Variants in SACS observed in about 807,000 individuals in gnomAD.
SACS encodes the protein sacsin.
A neutral mutation model predicts 348.0 loss-of-function variants in SACS; 197 were observed. That is an observed-to-expected ratio of 0.57 (90% CI 0.50 to 0.64). The LOEUF (loss-of-function observed/expected upper bound fraction) is 0.64, where lower values mean the gene tolerates loss of function less well. Ranked by LOEUF, SACS falls within the 30% of genes least tolerant of loss-of-function variation. SACS has a pLI of 0.00. For synonymous variants in SACS, 1,985 were observed against 1,910.6 expected (o/e 1.04, Z -1.02); for missense variants, 4,999 against 5,360.8 (o/e 0.93, Z 2.11).
chr13:23,391,354 C>G (rs1872519877), intron 2 of SACS, among the ~76,000 whole-genome samples: 1 of 152,214 alleles, frequency 6.6e-6, no homozygotes, highest in Non-Finnish European at 1.5e-5. Flanking sequence ...TCTGCCCACC[C>G]AGCTCTCCGG....
At chr13:23,345,129 A>T (rs532956515) in intron 9 of SACS, among the ~76,000 whole-genome samples, 1 of 152,308 alleles carries the variant, frequency 6.6e-6, no homozygotes, top group South Asian at 2.1e-4. Context: ...AGTTTTTTAT[A>T]CTTTTCTCTT....
intron 9 of SACS, among the ~76,000 whole-genome samples, chr13:23,342,082 C>T (rs935724521): frequency 3.3e-5 from 5 of 151,834 alleles, no homozygotes; most frequent in Admixed American, 1.3e-4. Context: ...CCACCACGCC[C>T]GGCCAGTACT....
intron 7 of SACS, 127 bp downstream of exon 7, chr13:23,358,208 G>T: frequency 1.1e-6 from 1 of 946,890 alleles, no homozygotes. Context: ...CATACCTCCT[G>T]CTACTGACAG....
At chr13:23,409,910 T>C in intron 2 of SACS, among the ~76,000 whole-genome samples, 1 of 152,226 alleles carries the variant, frequency 6.6e-6, no homozygotes, top group Non-Finnish European at 1.5e-5. Context: ...ATCAAATCAA[T>C]CCTAATTATT....
rs1217956165 is a variant in SACS, at chr13:23,411,172, T to G, written c.20+48A>C. On this transcript the variant is annotated intron_variant, in intron 2 of 9. Coordinates refer to ENST00000382292, the MANE Select transcript of SACS (RefSeq NM_014363.6). ...TCATTTGGGAAAATCCAACAAGTCT[T>G]AAAATCCCAATGCAAATTATTGTCA... 3.2e-6 allele frequency: 5 copies of G among 1,540,126 alleles called. No homozygotes were observed. The African/African-American group carries it at 4.1e-5, about 13-fold the overall frequency.
At position 23,340,958 on chromosome 13, in the gene SACS, G is replaced by C. The variant is rs779638983; in HGVS notation, c.2918C>G (p.Ala973Gly). 5 of 1,614,040 alleles carry C rather than the reference G, an allele frequency of 3.1e-6. No homozygotes were observed. In the South Asian group the frequency reaches 4.4e-5, roughly 14 times the overall value. The change falls in exon 10 of 10, where the codon GCT becomes GGT. Residue 973 changes from alanine (A) to glycine (G), a missense_variant. Around this residue, in one of 6 missense-constraint regions of SACS, gnomAD observed 3,156 missense variants for 3,380.1 expected, o/e 0.93. Transcript: ENST00000382292. ...CAACATGTTTGCCAGACGAATAGTA[G>C]CTTCATCACTACTGTCTATTACTGA... ...SISVIDSSDEATIRLANMLKI... is the reference protein window; with the variant it reads ...SISVIDSSDEGTIRLANMLKI...
At chr13:23,341,717 A>G (rs1485073357) in intron 9 of SACS, 27 bp from the exon 10 acceptor site, 1 of 1,592,194 alleles carries the variant, frequency 6.3e-7, no homozygotes, top group African/African-American at 1.3e-5. Context: ...GAAATGTCAT[A>G]AATACATATA....
chr13:23,354,744 A>T lies in SACS; in HGVS notation c.1868T>A (p.Val623Glu). 1 of 1,613,788 alleles carries T rather than the reference A, an allele frequency of 6.2e-7. No homozygotes were observed. Among genetic ancestry groups the T allele is most frequent in the Non-Finnish European group, 8.5e-7 (1 of 1,179,728 alleles). ...QLTAASGTTP[V>E]RKVTPAWVRQ... ...CACCCACGCGGGCGTCACCTTCCTC[A>T]CAGGTGTTGTGCCAGAGGCAGCTGT... The change falls in exon 8 of 10, where the codon GTG becomes GAG. Residue 623 changes from valine to glutamate, a missense_variant. Around this residue, in one of 6 missense-constraint regions of SACS, gnomAD observed 3,156 missense variants for 3,380.1 expected, o/e 0.93. Transcript: ENST00000382292.
chr13:23,425,072 A>C (rs945189330), intron 1 of SACS, among the ~76,000 whole-genome samples: 1 of 152,122 alleles, frequency 6.6e-6, no homozygotes, highest in Non-Finnish European at 1.5e-5. Flanking sequence ...TCGAGTGTCT[A>C]CCTGGGGCCT....
At chr13:23,384,484 C>G (rs1566096003) in intron 2 of SACS, among the ~76,000 whole-genome samples, 3 of 152,218 alleles carry the variant, frequency 2.0e-5, no homozygotes, top group African/African-American at 7.2e-5. Flanking sequence ...AAAGGAAGTC[C>G]TTCTTAACTT....
At position 23,340,896 on chromosome 13, in the gene SACS, G is replaced by T; in HGVS notation, c.2980C>A (p.Leu994Ile). The T allele has an allele frequency of 6.2e-7, 1 of 1,612,776 alleles. No individual in the cohort carries two copies. The highest frequency in any genetic ancestry group is 8.5e-7 in the Non-Finnish European group (1 of 1,178,926). Reference sequence around the variant, plus strand: ...GCATTTTCAATATCTTTTAAAACAAGCTTTAAGCAGCTAGTGGTCTTTAAC... The same window carrying T: ...GCATTTTCAATATCTTTTAAAACAATCTTTAAGCAGCTAGTGGTCTTTAAC... ...EQLKTTSCLK[L>I]VLKDIENAFY... is the part of the protein sequence containing the mutation. Residue 994 changes from leucine (L) to isoleucine (I), a missense_variant, in exon 10 of 10, where the codon CTT becomes ATT. Leu to Ile is a conservative substitution (Grantham distance 5, BLOSUM62 2). Coordinates refer to ENST00000382292, the MANE Select transcript of SACS (RefSeq NM_014363.6).
At chr13:23,343,601 T>A (rs1869412952) in intron 9 of SACS, among the ~76,000 whole-genome samples, 1 of 152,170 alleles carries the variant, frequency 6.6e-6, no homozygotes, top group Admixed American at 6.5e-5. Context: ...AGAGAACTGC[T>A]TGAACCCGGG....
At chr13:23,412,900 T>G (rs1873550802) in intron 1 of SACS, among the ~76,000 whole-genome samples, 1 of 152,212 alleles carries the variant, frequency 6.6e-6, no homozygotes, top group Non-Finnish European at 1.5e-5. Context: ...ATGACAAACT[T>G]TCTTTTTAAT....
intron 2 of SACS, among the ~76,000 whole-genome samples, chr13:23,381,447 C>T (rs1486693055): frequency 1.3e-5 from 2 of 152,098 alleles, no homozygotes. Context: ...CACACACACA[C>T]ACAGGCAAAC....
chr13:23,366,496 A>G (rs2137789193), intron 5 of SACS, among the ~76,000 whole-genome samples: 1 of 152,306 alleles, frequency 6.6e-6, no homozygotes, highest in Non-Finnish European at 1.5e-5. Context: ...AATCCCTAAA[A>G]ATTAACAATC....
intron 1 of SACS, among the ~76,000 whole-genome samples, chr13:23,422,999 G>A (rs1244036329): frequency 6.6e-6 from 1 of 152,116 alleles, no homozygotes; most frequent in Non-Finnish European, 1.5e-5. Context: ...CATTAAACAA[G>A]TTGTAAAAAC....
At chr13:23,375,834 A>G (rs1871770608) in intron 2 of SACS, among the ~76,000 whole-genome samples, 1 of 152,172 alleles carries the variant, frequency 6.6e-6, no homozygotes, top group African/African-American at 2.4e-5. Flanking sequence ...ATAAGGGTAT[A>G]CAGAGCGTAC....
At chr13:23,360,747 C>CTTG (rs1224386102) in intron 6 of SACS, among the ~76,000 whole-genome samples, 1 of 125,176 alleles carries the variant, frequency 8.0e-6, no homozygotes, top group Non-Finnish European at 1.6e-5. Context: ...CCCCACTCTC[C>CTTG]AAGGTACTTT....
At chr13:23,358,551 C>A in intron 6 of SACS, 70 bp from the exon 7 acceptor site, 1 of 1,521,950 alleles carries the variant, frequency 6.6e-7, no homozygotes. Context: ...CTCAAGAGAT[C>A]CTCTATACAA....
Sources: gnomAD v4.1 joint callset for allele counts (sites outside exome capture counted in the v4.1 genomes callset) on GRCh38, gnomAD v4.1.1 for gene constraint, gnomAD v4.1.1 regional missense constraint, MANE v1.5 for transcripts, NCBI Gene and HGNC (gene_info 2026-07-23, HGNC 2026-07-21) for gene names.